Variants in MLLT3 observed in about 807,000 individuals in gnomAD.
MLLT3 encodes protein AF-9.
MLLT3 carries 4 observed loss-of-function variants against 53.2 expected under a neutral mutation model. That is an observed-to-expected ratio of 0.08 (90% CI 0.04 to 0.17). MLLT3 has a LOEUF of 0.17. MLLT3 is among the 10% of genes least tolerant of loss of function. The probability of loss-of-function intolerance (pLI) is 1.00; values close to 1 mark genes in which losing one functional copy is unlikely to be tolerated. For missense variants in MLLT3, 569 were observed against 684.0 expected (o/e 0.83, Z 1.87); for synonymous variants, 283 against 230.6 (o/e 1.23, Z -2.06).
At chr9:20,472,788 T>G (rs1365006644) in intron 2 of MLLT3, among the ~76,000 whole-genome samples, 1 of 152,028 alleles carries the variant, frequency 6.6e-6, no homozygotes, top group Non-Finnish European at 1.5e-5. Context: ...TTAATCATAT[T>G]AGTTCAGCAA....
intron 9 of MLLT3, among the ~76,000 whole-genome samples, chr9:20,353,967 T>C (rs1364205539): frequency 6.6e-6 from 1 of 151,470 alleles, no homozygotes; most frequent in Non-Finnish European, 1.5e-5. Flanking sequence ...TTTTTTTTCA[T>C]TCTTGAATCT....
Position 20,620,887 on chromosome 9 carries a change from G to C in MLLT3, c.13-53C>G, listed in dbSNP as rs774514237. Reference sequence around the variant, plus strand: ...GTGAATAACAGGAAGGCGAGGTTTCGGCAGTGAACGTTGCGCCTGACATTT... The same window carrying C: ...GTGAATAACAGGAAGGCGAGGTTTCCGCAGTGAACGTTGCGCCTGACATTT... On this transcript the variant is annotated intron_variant, in intron 1 of 10. Transcript: ENST00000380338. The surrounding 1 kb of genome is among the most constrained non-coding windows in gnomAD (Gnocchi z 6.1). The C allele has an allele frequency of 6.3e-7, 1 of 1,587,748 alleles. No homozygotes were observed. Among genetic ancestry groups the C allele is most frequent in the Non-Finnish European group, 8.6e-7 (1 of 1,158,122 alleles).
intron 2 of MLLT3, among the ~76,000 whole-genome samples, chr9:20,551,915 C>T (rs1159574490): frequency 6.6e-6 from 1 of 152,186 alleles, no homozygotes; most frequent in Non-Finnish European, 1.5e-5. Flanking sequence ...CTTCATTCAA[C>T]CCCCATCCCC....
At chr9:20,598,140 T>C (rs1820324210) in intron 2 of MLLT3, among the ~76,000 whole-genome samples, 1 of 152,180 alleles carries the variant, frequency 6.6e-6, no homozygotes, top group African/African-American at 2.4e-5. Context: ...AGTTGGGTCA[T>C]AAACAGTCTC....
Position 20,443,804 on chromosome 9 carries a change from G to A in MLLT3, c.420+4319C>T, listed in dbSNP as rs184572634. Among the ~76,000 whole-genome samples the A allele has an allele frequency of 4.6e-5, 7 of 152,256 alleles. No individual in the cohort carries two copies. The East Asian group carries it at 7.7e-4, about 17-fold the overall frequency. On this transcript the variant is annotated intron_variant, in intron 4 of 10. Coordinates refer to ENST00000380338, the MANE Select transcript of MLLT3 (RefSeq NM_004529.4). Reference sequence around the variant, plus strand: ...TATGTGCCATACACCATGGTTACACGTTCCCTATGAGGAAAACACTGCCAT... The same window carrying A: ...TATGTGCCATACACCATGGTTACACATTCCCTATGAGGAAAACACTGCCAT...
At chr9:20,569,458 T>A (rs1819470767) in intron 2 of MLLT3, among the ~76,000 whole-genome samples, 1 of 152,156 alleles carries the variant, frequency 6.6e-6, no homozygotes, top group African/African-American at 2.4e-5. Context: ...CAATCATCTA[T>A]CTACACTCCC....
intron 2 of MLLT3, among the ~76,000 whole-genome samples, chr9:20,567,752 A>C (rs1160892133): frequency 6.6e-6 from 1 of 152,192 alleles, no homozygotes; most frequent in Non-Finnish European, 1.5e-5. Flanking sequence ...ATTGATTTAT[A>C]CATTAACCAA....
In MLLT3 at chr9:20,343,454, T is replaced by C. The variant is rs1346631247; in HGVS notation, c.*2989A>G. On this transcript the variant is annotated 3_prime_UTR_variant, in exon 11 of 11. Transcript: ENST00000380338. ...TTAAGATTGAGAGAGAGGCAGATTATGCTGAGGATGGTGAAGTAACTGCAA... is the reference window on the plus strand; with the variant it reads ...TTAAGATTGAGAGAGAGGCAGATTACGCTGAGGATGGTGAAGTAACTGCAA... The C allele has an allele frequency of 4.5e-6, 1 of 223,844 alleles. No homozygotes were observed. The highest frequency in any genetic ancestry group is 8.9e-6 in the Non-Finnish European group (1 of 112,252). The allele number at this position is 223,844 out of a possible 1,614,324, so 13.9% of individuals were successfully genotyped here. A position where few individuals can be genotyped will look rare whatever the true frequency, so the allele number is the denominator to read the frequency against.
chr9:20,418,321 AG>A (rs2118787204), intron 4 of MLLT3: 1 of 152,356 alleles, frequency 6.6e-6, no homozygotes, highest in South Asian at 2.1e-4. Flanking sequence ...AACTACAAAT[AG>A]CTTTGTGCAG....
At chr9:20,499,003 A>G (rs563131586) in intron 2 of MLLT3, among the ~76,000 whole-genome samples, 11 of 152,322 alleles carry the variant, frequency 7.2e-5, no homozygotes, top group African/African-American at 2.6e-4. Flanking sequence ...CAGTAGGGCC[A>G]TATTCCCTCT....
chr9:20,408,510 G>C (rs570683686), intron 5 of MLLT3, among the ~76,000 whole-genome samples: 1 of 152,220 alleles, frequency 6.6e-6, no homozygotes, highest in African/African-American at 2.4e-5. Context: ...ACCAGAGGAA[G>C]AACTGTAACC....
At chr9:20,347,193 G>C (rs1234716641) in intron 10 of MLLT3, among the ~76,000 whole-genome samples, 4 of 151,674 alleles carry the variant, frequency 2.6e-5, no homozygotes, top group Non-Finnish European at 5.9e-5. Flanking sequence ...CTGTTTTGTT[G>C]TTTGACTTGG....
intron 2 of MLLT3, chr9:20,533,427 A>T (rs1441020856): frequency 6.1e-6 from 1 of 163,348 alleles, no homozygotes; most frequent in Non-Finnish European, 1.3e-5. Flanking sequence ...AGAAAATGTC[A>T]TCTTGATGGC....
chr9:20,451,284 A>G (rs1162837222), intron 3 of MLLT3, among the ~76,000 whole-genome samples: 9 of 152,206 alleles, frequency 5.9e-5, no homozygotes, highest in African/African-American at 1.9e-4. Context: ...TCAAAAGACT[A>G]AAACTCCTAA....
intron 5 of MLLT3, among the ~76,000 whole-genome samples, chr9:20,398,289 G>C (rs1377520079): frequency 6.6e-6 from 1 of 151,888 alleles, no homozygotes; most frequent in East Asian, 1.9e-4. Context: ...TTGTTGTCCA[G>C]GCTGGTGTCA....
At chr9:20,613,542 T>C (rs1271895583) in intron 2 of MLLT3, among the ~76,000 whole-genome samples, 1 of 151,766 alleles carries the variant, frequency 6.6e-6, no homozygotes, top group Non-Finnish European at 1.5e-5. Context: ...TTCTTGGTAG[T>C]GGGGATTTGA....
At chr9:20,566,257 G>A (rs911292299) in intron 2 of MLLT3, among the ~76,000 whole-genome samples, 1 of 150,894 alleles carries the variant, frequency 6.6e-6, no homozygotes, top group African/African-American at 2.4e-5. Flanking sequence ...TGGCCAACAT[G>A]GTGAAACCCA....
chr9:20,397,597 A>G (rs576766293), intron 5 of MLLT3, among the ~76,000 whole-genome samples: 1 of 152,288 alleles, frequency 6.6e-6, no homozygotes, highest in African/African-American at 2.4e-5. Context: ...CCAGAAGTGA[A>G]TACAGGAGGC....
rs1823772397 is a variant in MLLT3, at chr9:20,448,830, C to G, written c.277-564G>C. 6.6e-6 allele frequency among the ~76,000 whole-genome samples: 1 copy of G among 152,128 alleles called. No homozygotes were observed. Among genetic ancestry groups the G allele is most frequent in the Non-Finnish European group, 1.5e-5 (1 of 68,016 alleles). ...TCCAATAGCCATTGGGCTAAAAATCCTAATCTCACTTGAATGTCACATAAG... is the reference window on the plus strand; with the variant it reads ...TCCAATAGCCATTGGGCTAAAAATCGTAATCTCACTTGAATGTCACATAAG... On this transcript the variant is annotated intron_variant, in intron 3 of 10. Transcript: ENST00000380338. The surrounding 1 kb of genome is among the most constrained non-coding windows in gnomAD (Gnocchi z 4.0).
Sources: gnomAD v4.1 joint callset for allele counts (sites outside exome capture counted in the v4.1 genomes callset) on GRCh38, gnomAD v4.1.1 for gene constraint, Gnocchi (gnomAD v3.1) non-coding constraint, MANE v1.5 for transcripts, NCBI Gene and HGNC (gene_info 2026-07-23, HGNC 2026-07-21) for gene names.